The following GLIS1 variants were observed in gnomAD, a reference collection of about 807,000 sequenced individuals.
GLIS1 encodes zinc finger protein GLIS1.
GLIS1 carries 24 observed loss-of-function variants against 63.8 expected under a neutral mutation model. That is an observed-to-expected ratio of 0.38 (90% CI 0.27 to 0.53). GLIS1 has a LOEUF of 0.53. Among genes scored for constraint, GLIS1 ranks in the 20% least tolerant of loss-of-function variants. The pLI is 0.85. For synonymous variants in GLIS1, 450 were observed against 482.5 expected, an observed-to-expected ratio of 0.93 and a Z score of 0.88; for missense variants, 1,036 against 1,074.1, an observed-to-expected ratio of 0.96 and a Z score of 0.50.
intron 2 of GLIS1, among the ~76,000 whole-genome samples, chr1:53,653,461 TTC>T (rs948345991): frequency 2.6e-5 from 4 of 152,144 alleles, no homozygotes; most frequent in Non-Finnish European, 4.4e-5. Context: ...CGCTGTCTAT[TTC>T]TCTCTGTCTG....
chr1:53,666,962 T>C (rs1411064001), intron 2 of GLIS1, among the ~76,000 whole-genome samples: 3 of 152,144 alleles, frequency 2.0e-5, no homozygotes, highest in Admixed American at 1.3e-4. Context: ...CATCATCTCC[T>C]TTCATGCCCA....
intron 1 of GLIS1, among the ~76,000 whole-genome samples, chr1:53,738,722 A>C (rs1646938019): frequency 6.6e-6 from 1 of 152,154 alleles, no homozygotes; most frequent in African/African-American, 2.4e-5. Flanking sequence ...CGGGACACCC[A>C]CATTCCTATG....
At chr1:53,553,200 C>T (rs926700045) in intron 4 of GLIS1, among the ~76,000 whole-genome samples, 3 of 152,168 alleles carry the variant, frequency 2.0e-5, no homozygotes, top group Non-Finnish European at 4.4e-5. Flanking sequence ...ACCTGGAAAG[C>T]GCAGCCTCGG....
intron 4 of GLIS1, among the ~76,000 whole-genome samples, chr1:53,548,126 C>G (rs1644723169): frequency 6.6e-6 from 1 of 152,228 alleles, no homozygotes; most frequent in Non-Finnish European, 1.5e-5. Context: ...TGTCTCCCCT[C>G]CAGCTGCCGC....
chr1:53,724,764 C>T (rs1294117141), intron 2 of GLIS1, among the ~76,000 whole-genome samples: 1 of 152,188 alleles, frequency 6.6e-6, no homozygotes, highest in East Asian at 1.9e-4. Context: ...AAGCAATCCT[C>T]CTGGCTTCAA....
intron 4 of GLIS1, among the ~76,000 whole-genome samples, chr1:53,575,074 G>A (rs1256775447): frequency 6.6e-6 from 1 of 152,160 alleles, no homozygotes; most frequent in East Asian, 1.9e-4. Context: ...ATATAAATCT[G>A]GAGAAAAGGG....
At chr1:53,576,201 C>G (rs1032663951) in intron 4 of GLIS1, among the ~76,000 whole-genome samples, 4 of 152,092 alleles carry the variant, frequency 2.6e-5, no homozygotes, top group African/African-American at 9.7e-5. Flanking sequence ...GGCCCAGCCA[C>G]ATTGGGTGAC....
chr1:53,524,948 C>T (rs1017128880), intron 5 of GLIS1, 61 bp from the exon 6 acceptor site: 16 of 1,257,782 alleles, frequency 1.3e-5, no homozygotes, highest in African/African-American at 7.4e-5. Flanking sequence ...CACGCGCCTC[C>T]GCGTGACCTG....
chr1:53,694,890 G>A (rs984639728), intron 2 of GLIS1, among the ~76,000 whole-genome samples: 2 of 152,124 alleles, frequency 1.3e-5, no homozygotes, highest in Admixed American at 6.5e-5. Flanking sequence ...GGCTCCGATC[G>A]TGCCTGCAAA....
intron 4 of GLIS1, among the ~76,000 whole-genome samples, chr1:53,591,157 A>G (rs1215625307): frequency 6.6e-6 from 1 of 152,230 alleles, no homozygotes; most frequent in African/African-American, 2.4e-5. Context: ...ATTACAGTGC[A>G]TGGTAGCAGA....
chr1:53,695,095 C>G (rs966899148), intron 2 of GLIS1, among the ~76,000 whole-genome samples: 2 of 146,464 alleles, frequency 1.4e-5, no homozygotes, highest in East Asian at 4.3e-4. Context: ...TTAAAAAGCC[C>G]TGTGTGTGTA....
rs564924442 is a variant in GLIS1, at chr1:53,640,856, C to T, written c.260-40578G>A. On this transcript the variant is annotated intron_variant, in intron 2 of 10. Transcript: ENST00000628545. ...ACACACACACACGCTCATGCTTGTACTGAGGCAGCTCCCGGAGTCTGGGCT... is the reference window on the plus strand; with the variant it reads ...ACACACACACACGCTCATGCTTGTATTGAGGCAGCTCCCGGAGTCTGGGCT... Among the ~76,000 whole-genome samples the T allele has an allele frequency of 7.9e-5, 12 of 152,282 alleles. No homozygotes were observed. The South Asian group carries it at 2.3e-3, about 29-fold the overall frequency.
chr1:53,561,950 C>A (rs1459100604), intron 4 of GLIS1, among the ~76,000 whole-genome samples: 3 of 152,180 alleles, frequency 2.0e-5, no homozygotes, highest in South Asian at 4.1e-4. Context: ...GTGAGACAGG[C>A]TCATTTGTCC....
At chr1:53,693,798 C>G (rs1343350995) in intron 2 of GLIS1, among the ~76,000 whole-genome samples, 1 of 152,246 alleles carries the variant, frequency 6.6e-6, no homozygotes, top group African/African-American at 2.4e-5. Context: ...CTCAGTGCCC[C>G]CACCTGGAAA....
At chr1:53,701,940 C>T (rs72898636) in intron 2 of GLIS1, among the ~76,000 whole-genome samples, 2,780 of 144,638 alleles carry the variant, frequency 0.019, 85 homozygotes, top group African/African-American at 0.069. Flanking sequence ...TTGCACTGAG[C>T]TGAGATTATA....
At chr1:53,613,320 C>T (rs867337663) in intron 2 of GLIS1, among the ~76,000 whole-genome samples, 4 of 152,172 alleles carry the variant, frequency 2.6e-5, no homozygotes, top group Admixed American at 1.3e-4. Context: ...AAACTCAAAA[C>T]GACCATTTAA....
At chr1:53,596,826 C>T (rs2100539521) in intron 3 of GLIS1, among the ~76,000 whole-genome samples, 1 of 152,226 alleles carries the variant, frequency 6.6e-6, no homozygotes, top group Middle Eastern at 3.4e-3. Flanking sequence ...CCAGCAGAGA[C>T]TCAGGGGAGA....
intron 2 of GLIS1, among the ~76,000 whole-genome samples, chr1:53,645,463 C>T (rs76039209): frequency 0.013 from 1,982 of 152,268 alleles, 24 homozygotes; most frequent in Non-Finnish European, 0.018. Flanking sequence ...ACAGTTGTGA[C>T]ACCCAGCAGG....
At chr1:53,715,748 G>A (rs1447265619) in intron 2 of GLIS1, among the ~76,000 whole-genome samples, 1 of 152,136 alleles carries the variant, frequency 6.6e-6, no homozygotes, top group Admixed American at 6.5e-5. Flanking sequence ...CTGAGAGGAC[G>A]AGTGAGATGG....
Sources: gnomAD v4.1 joint callset for allele counts (sites outside exome capture counted in the v4.1 genomes callset) on GRCh38, gnomAD v4.1.1 for gene constraint, MANE v1.5 for transcripts, NCBI Gene and HGNC (gene_info 2026-07-23, HGNC 2026-07-21) for gene names.